IMMP2L: variants seen among roughly 807,000 people sequenced by gnomAD.
IMMP2L encodes mitochondrial inner membrane protease subunit 2.
Under a neutral mutation model 19.3 loss-of-function variants are expected in IMMP2L, and 18 were observed. The ratio of observed to expected loss-of-function variants is 0.93; its 90% CI spans 0.64 to 1.38. The LOEUF (loss-of-function observed/expected upper bound fraction) is 1.38. IMMP2L is among the 40% of genes most tolerant of loss of function. IMMP2L has a pLI of 0.00. For synonymous variants in IMMP2L, 76 were observed against 73.0 expected, an observed-to-expected ratio of 1.04 and a Z score of -0.21; for missense variants, 233 against 218.2, an observed-to-expected ratio of 1.07 and a Z score of -0.43.
chr7:110,681,448 T>A (rs905689705), intron 5 of IMMP2L, among the ~76,000 whole-genome samples: 1 of 152,170 alleles, frequency 6.6e-6, no homozygotes, highest in Non-Finnish European at 1.5e-5. Flanking sequence ...CATGCCACTC[T>A]GTTTTGGAAT....
chr7:110,689,957 T>C (rs1338596121), intron 5 of IMMP2L, among the ~76,000 whole-genome samples: 2 of 152,212 alleles, frequency 1.3e-5, no homozygotes, highest in Admixed American at 1.3e-4. Context: ...TCTTTTCTCA[T>C]GGGAGGCTTT....
chr7:111,510,257 A>G (rs1020728018), intron 2 of IMMP2L, among the ~76,000 whole-genome samples: 2 of 152,178 alleles, frequency 1.3e-5, no homozygotes, highest in Non-Finnish European at 2.9e-5. Flanking sequence ...GTATAACACA[A>G]TAGTGAGTGG....
chr7:110,790,764 T>G (rs1178968315), intron 5 of IMMP2L, among the ~76,000 whole-genome samples: 1 of 151,742 alleles, frequency 6.6e-6, no homozygotes, highest in African/African-American at 2.4e-5. Context: ...AATGTTCAAT[T>G]GTACTATGGT....
chr7:111,238,742 T>C (rs192742037), intron 3 of IMMP2L, among the ~76,000 whole-genome samples: 1 of 152,128 alleles, frequency 6.6e-6, no homozygotes, highest in East Asian at 1.9e-4. Context: ...ATAGTTCTAA[T>C]ATTTTTTGAT....
intron 3 of IMMP2L, among the ~76,000 whole-genome samples, chr7:110,988,276 T>C (rs1822064574): frequency 6.6e-6 from 1 of 152,236 alleles, no homozygotes; most frequent in Admixed American, 6.5e-5. Context: ...GGAGCTGGGT[T>C]GTCAATGGCT....
intron 5 of IMMP2L, among the ~76,000 whole-genome samples, chr7:110,852,237 GATGGATGT>G (rs1035040700): frequency 4.6e-5 from 7 of 151,202 alleles, no homozygotes; most frequent in African/African-American, 1.7e-4. Flanking sequence ...TGGATGGATG[GATGGATGT>G]ATACACATAT....
At chr7:110,669,670 TG>T (rs35652230) in intron 5 of IMMP2L, among the ~76,000 whole-genome samples, 1 of 152,192 alleles carries the variant, frequency 6.6e-6, no homozygotes, top group Non-Finnish European at 1.5e-5. Flanking sequence ...AAATAAGCCA[TG>T]GGGTAAGTAC....
chr7:111,191,511 G>C (rs1284172291), intron 3 of IMMP2L, among the ~76,000 whole-genome samples: 1 of 151,246 alleles, frequency 6.6e-6, no homozygotes, highest in East Asian at 1.9e-4. Flanking sequence ...AAATTGCCTT[G>C]ACTGGGAATG....
intron 4 of IMMP2L, among the ~76,000 whole-genome samples, chr7:110,898,045 TACA>T (rs1811499394): frequency 6.6e-6 from 1 of 151,666 alleles, no homozygotes; most frequent in Admixed American, 6.6e-5. Flanking sequence ...GAAACAATCA[TACA>T]ACACTTCCAA....
At chr7:110,773,358 AT>A (rs1196432495) in intron 5 of IMMP2L, among the ~76,000 whole-genome samples, 1 of 152,164 alleles carries the variant, frequency 6.6e-6, no homozygotes, top group Non-Finnish European at 1.5e-5. Context: ...GCCACAAAAA[AT>A]TCAGGTGTTA....
At chr7:110,946,888 T>A (rs1477192248) in intron 4 of IMMP2L, among the ~76,000 whole-genome samples, 1 of 151,754 alleles carries the variant, frequency 6.6e-6, no homozygotes, top group African/African-American at 2.4e-5. Context: ...ACCCGGCTAA[T>A]TTTTTGTATT....
chr7:111,407,616 T>C (rs541161263), intron 3 of IMMP2L, among the ~76,000 whole-genome samples: 1 of 152,008 alleles, frequency 6.6e-6, no homozygotes, highest in East Asian at 1.9e-4. Context: ...TCAATAGAAA[T>C]ACAAAATAGA....
chr7:110,960,392 C>T (rs1024607077), intron 4 of IMMP2L, among the ~76,000 whole-genome samples: 29 of 151,990 alleles, frequency 1.9e-4, no homozygotes, highest in African/African-American at 6.0e-4. Context: ...CTGGGAATCA[C>T]TAATCTATTT....
At chr7:111,510,365 T>C (rs1298745778) in intron 2 of IMMP2L, among the ~76,000 whole-genome samples, 2 of 152,144 alleles carry the variant, frequency 1.3e-5, no homozygotes, top group African/African-American at 2.4e-5. Context: ...CTCTGCTGTA[T>C]TGTATTATAT....
intron 3 of IMMP2L, among the ~76,000 whole-genome samples, chr7:111,032,280 A>G (rs1331063307): frequency 6.6e-6 from 1 of 152,118 alleles, no homozygotes; most frequent in East Asian, 1.9e-4. Context: ...AAAGCAGATC[A>G]ATAGAATAGA....
At chr7:111,103,145 T>C (rs1450210982) in intron 3 of IMMP2L, among the ~76,000 whole-genome samples, 1 of 151,622 alleles carries the variant, frequency 6.6e-6, no homozygotes, top group Non-Finnish European at 1.5e-5. Context: ...CTATTAGACT[T>C]TGTTTCCTGC....
intron 3 of IMMP2L, among the ~76,000 whole-genome samples, chr7:111,340,341 A>C (rs1687566961): frequency 6.6e-6 from 1 of 152,044 alleles, no homozygotes; most frequent in South Asian, 2.1e-4. Context: ...TCAAAGGAAA[A>C]GCTGGGATAA....
At chr7:110,849,868 A>C (rs1045943169) in intron 5 of IMMP2L, among the ~76,000 whole-genome samples, 2 of 152,136 alleles carry the variant, frequency 1.3e-5, no homozygotes, top group Admixed American at 1.3e-4. Context: ...TCATAGAATT[A>C]TTTATAAATT....
Position 111,022,298 on chromosome 7 carries a change from T to C in IMMP2L, c.240-58733A>G, listed in dbSNP as rs149132838. ...GCTGGGCATAGCAGAAATGTAGCTC[T>C]GGCATCATAATTTCAGAATCAGTGA... On this transcript the variant is annotated intron_variant, in intron 3 of 5. Transcript: ENST00000405709. Among the ~76,000 whole-genome samples, 860 of 152,294 alleles carry C rather than the reference T, an allele frequency of 5.6e-3. 5 individuals are homozygous for C. The highest frequency in any genetic ancestry group is 0.01 in the Admixed American group (159 of 15,284).
Sources: allele counts gnomAD v4.1 joint callset (sites outside exome capture counted in the v4.1 genomes callset), GRCh38; gene constraint gnomAD v4.1.1; transcripts MANE v1.5; gene names NCBI Gene and HGNC (gene_info 2026-07-23, HGNC 2026-07-21).